The following SECISBP2L variants were observed in gnomAD, a reference collection of about 807,000 sequenced individuals.
The protein encoded by SECISBP2L is selenocysteine insertion sequence-binding protein 2-like.
Under a neutral mutation model 114.7 loss-of-function variants are expected in SECISBP2L, and 43 were observed. The ratio of observed to expected loss-of-function variants is 0.38; its 90% CI spans 0.29 to 0.48. The LOEUF is 0.48. Among genes scored for constraint, SECISBP2L ranks in the 20% least tolerant of loss-of-function variants. The probability of loss-of-function intolerance (pLI) is 0.98; values close to 1 mark genes in which losing one functional copy is unlikely to be tolerated. For missense variants in SECISBP2L, 1,136 were observed against 1,301.1 expected (o/e 0.87, Z 1.95); for synonymous variants, 451 against 439.7 (o/e 1.03, Z -0.32).
At position 48,996,412 on chromosome 15, in the gene SECISBP2L, T is replaced by C; in HGVS notation, c.2578A>G (p.Ser860Gly). Residue 860 changes from serine to glycine, a missense_variant, in exon 17 of 18, where the codon AGT (serine) becomes GGT (glycine). Transcript: ENST00000559471. ...PSAASAISFCSVISEPISEVN... is the reference protein window; with the variant it reads ...PSAASAISFCGVISEPISEVN... Reference sequence around the variant, plus strand: ...TCAGAGATCGGTTCAGAAATAACACTGCAGAAAGAAATGGCACTTGCTGCA... The same window carrying C: ...TCAGAGATCGGTTCAGAAATAACACCGCAGAAAGAAATGGCACTTGCTGCA... 6.2e-7 allele frequency: 1 copy of C among 1,614,130 alleles called. No homozygotes were observed. The highest frequency in any genetic ancestry group is 8.5e-7 in the Non-Finnish European group (1 of 1,179,998).
chr15:49,011,678 T>C (rs1902438803), intron 13 of SECISBP2L, 53 bp downstream of exon 13: 1 of 1,598,884 alleles, frequency 6.3e-7, no homozygotes, highest in African/African-American at 1.3e-5. Flanking sequence ...TACGTATCTA[T>C]TAAAATATTT....
At chr15:49,007,654 A>G (rs1272743449) in intron 14 of SECISBP2L, among the ~76,000 whole-genome samples, 4 of 152,254 alleles carry the variant, frequency 2.6e-5, no homozygotes, top group African/African-American at 9.6e-5. Context: ...ACCTGCTATT[A>G]GATAAAAACA....
intron 17 of SECISBP2L, chr15:48,995,772 T>C (rs1456297263): frequency 6.6e-6 from 1 of 152,318 alleles, no homozygotes; most frequent in Non-Finnish European, 1.5e-5. Context: ...TTTTAGTCTG[T>C]ATCTCTTCTT....
At chr15:49,002,405 A>G (rs186101715) in intron 14 of SECISBP2L, among the ~76,000 whole-genome samples, 4 of 152,258 alleles carry the variant, frequency 2.6e-5, no homozygotes, top group Admixed American at 2.6e-4. Context: ...TAGGTTGCCT[A>G]TTCACTCTGA....
intron 7 of SECISBP2L, among the ~76,000 whole-genome samples, chr15:49,025,412 T>C (rs1328421942): frequency 1.3e-5 from 2 of 152,184 alleles, no homozygotes; most frequent in African/African-American, 4.8e-5. Context: ...AAACACGAAA[T>C]TCACTTGTGT....
chr15:49,003,281 T>G (rs1321549526), intron 14 of SECISBP2L, among the ~76,000 whole-genome samples: 1 of 152,224 alleles, frequency 6.6e-6, no homozygotes, highest in African/African-American at 2.4e-5. Flanking sequence ...TTTTTGCACA[T>G]TGATTTTGTA....
At chr15:49,038,607 C>T (rs1366613943) in intron 1 of SECISBP2L, among the ~76,000 whole-genome samples, 2 of 151,966 alleles carry the variant, frequency 1.3e-5, no homozygotes, top group African/African-American at 4.8e-5. Flanking sequence ...ATATCCTAAC[C>T]AGGATAAAAT....
intron 1 of SECISBP2L, among the ~76,000 whole-genome samples, chr15:49,040,713 A>T (rs530563479): frequency 2.0e-5 from 3 of 148,682 alleles, no homozygotes; most frequent in East Asian, 2.0e-4. Flanking sequence ...TTTTTTTTTG[A>T]ATTTTTAGTA....
chr15:49,032,969 T>A lies in SECISBP2L; in HGVS notation c.660A>T (p.Gln220His). 6.2e-7 allele frequency: 1 copy of A among 1,613,606 alleles called. No individual in the cohort carries two copies. Among genetic ancestry groups the A allele is most frequent in the South Asian group, 1.1e-5 (1 of 90,912 alleles). Residue 220 changes from glutamine (Q) to histidine (H), a missense_variant, in exon 4 of 18, where the codon CAA (glutamine) becomes CAT (histidine). Physicochemically the swap from Gln to His is conservative, Grantham distance 24. Coordinates refer to ENST00000559471, the MANE Select transcript of SECISBP2L (RefSeq NM_001193489.2). ...ATGTAAGAACCCTTGCCTTACCAGTTTGCTGTGAAGCATCTACCAGAAGCA... is the reference window on the plus strand; with the variant it reads ...ATGTAAGAACCCTTGCCTTACCAGTATGCTGTGAAGCATCTACCAGAAGCA... ...KIVLLVDASQ[Q>H]TDFPSDIANK...
chr15:49,039,006 T>C (rs1903067139), intron 1 of SECISBP2L, among the ~76,000 whole-genome samples: 1 of 152,078 alleles, frequency 6.6e-6, no homozygotes, highest in South Asian at 2.1e-4. Flanking sequence ...GAAGATGAGA[T>C]ATGCTCATTT....
chr15:49,012,081 G>C (rs1371629363), intron 12 of SECISBP2L, among the ~76,000 whole-genome samples: 1 of 151,882 alleles, frequency 6.6e-6, no homozygotes, highest in African/African-American at 2.4e-5. Flanking sequence ...AGAATATACA[G>C]CTATCAAACC....
intron 7 of SECISBP2L, among the ~76,000 whole-genome samples, chr15:49,023,672 A>T (rs1345149075): frequency 6.6e-6 from 1 of 152,214 alleles, no homozygotes; most frequent in African/African-American, 2.4e-5. Flanking sequence ...TATCCACACA[A>T]TATTACGAGT....
At chr15:49,027,130 T>C (rs1217479843) in intron 7 of SECISBP2L, among the ~76,000 whole-genome samples, 1 of 152,208 alleles carries the variant, frequency 6.6e-6, no homozygotes, top group Non-Finnish European at 1.5e-5. Context: ...TTTTAACATA[T>C]AAAATATTTA....
chr15:48,991,523 A>C lies in SECISBP2L; in HGVS notation c.*721T>G, dbSNP rs1224497096. The C allele has an allele frequency of 6.5e-6, 1 of 152,676 alleles. No individual in the cohort carries two copies. The highest frequency in any genetic ancestry group is 1.5e-5 in the Non-Finnish European group (1 of 68,048). 9.5% of individuals were successfully genotyped at this position (152,676 alleles called of 1,614,324 possible). A position where few individuals can be genotyped will look rare whatever the true frequency, so the allele number is the denominator to read the frequency against. ...AAGAGCATTCCTGAGGTAAGTAAGA[A>C]GCAAATATGAGACAGAACCTGGAGG... On this transcript the variant is annotated 3_prime_UTR_variant, in exon 18 of 18. Coordinates refer to ENST00000559471, the MANE Select transcript of SECISBP2L (RefSeq NM_001193489.2).
chr15:49,011,985 T>C, intron 12 of SECISBP2L, 122 bp from the exon 13 acceptor site: 1 of 1,122,842 alleles, frequency 8.9e-7, no homozygotes, highest in Non-Finnish European at 1.3e-6. Context: ...GAAGTTTGGC[T>C]AACTGGCAAA....
At position 49,030,117 on chromosome 15, in the gene SECISBP2L, C is replaced by T. The variant is rs558972512; in HGVS notation, c.665-1435G>A. Among the ~76,000 whole-genome samples, 33 of 151,450 alleles carry T rather than the reference C, an allele frequency of 2.2e-4. No homozygotes were observed. The South Asian group carries it at 6.5e-3, about 30-fold the overall frequency. ...AGTTTTCCTTTTTCCACATTTCTGC[C>T]GATTCATAATTTTTATACAACACTG... On this transcript the variant is annotated intron_variant, in intron 4 of 17. Coordinates refer to ENST00000559471, the MANE Select transcript of SECISBP2L (RefSeq NM_001193489.2).
rs376770138 is a variant in SECISBP2L at position 48,990,070 on chromosome 15, T to C, written c.*2174A>G. On this transcript the variant is annotated 3_prime_UTR_variant, in exon 18 of 18. Transcript: ENST00000559471. The stretch of plus-strand genomic sequence containing the variant: ...CGAGAGCATTTACCGAACATATAAA[T>C]AAACACTTCTGAAGTCTATAGCAAA... 1 of 152,754 alleles carries C rather than the reference T, an allele frequency of 6.5e-6. No homozygotes were observed. The highest frequency in any genetic ancestry group is 2.4e-5 in the African/African-American group (1 of 41,576). 9.5% of individuals were successfully genotyped at this position (152,754 alleles called of 1,614,324 possible).
In SECISBP2L at chr15:48,989,932, C is replaced by T. The variant is rs1901938274; in HGVS notation, c.*2312G>A. ...TTATTAATATTTATTTAAGCATGCT[C>T]TCAAAATGGTAACATTTCCTTTAAT... is the stretch of plus-strand genomic sequence containing the variant. On this transcript the variant is annotated 3_prime_UTR_variant, in exon 18 of 18. Coordinates refer to ENST00000559471, the MANE Select transcript of SECISBP2L (RefSeq NM_001193489.2). 1 of 152,632 alleles carries T rather than the reference C, an allele frequency of 6.6e-6. No individual in the cohort carries two copies. Among genetic ancestry groups the T allele is most frequent in the African/African-American group, 2.4e-5 (1 of 41,450 alleles). 9.5% of individuals were successfully genotyped at this position (152,632 alleles called of 1,614,324 possible).
chr15:48,998,881 A>G (rs966445892), intron 16 of SECISBP2L, among the ~76,000 whole-genome samples: 2 of 152,252 alleles, frequency 1.3e-5, no homozygotes, highest in Non-Finnish European at 2.9e-5. Context: ...CTATCTCACA[A>G]TATCATTCAA....
Sources: allele counts gnomAD v4.1 joint callset (sites outside exome capture counted in the v4.1 genomes callset), GRCh38; gene constraint gnomAD v4.1.1; transcripts MANE v1.5; gene names NCBI Gene and HGNC (gene_info 2026-07-23, HGNC 2026-07-21).